The following RNF24 variants were observed in gnomAD, a reference collection of about 807,000 sequenced individuals.
RNF24 encodes ring finger protein 24.
Under a neutral mutation model 20.0 loss-of-function variants are expected in RNF24, and 14 were observed. The observed-to-expected ratio is 0.70, with a 90% confidence interval of 0.46 to 1.10. RNF24 has a LOEUF of 1.10. RNF24 is among the 50% of genes least tolerant of loss of function. The pLI, the probability that RNF24 is intolerant of heterozygous loss-of-function variation, is 0.00. For synonymous variants in RNF24, 45 were observed against 61.1 expected (o/e 0.74, Z 1.23); for missense variants, 124 against 177.6 (o/e 0.70, Z 1.71).
chr20:3,990,225 T>G (rs1980314607), intron 1 of RNF24, among the ~76,000 whole-genome samples: 1 of 152,142 alleles, frequency 6.6e-6, no homozygotes, highest in African/African-American at 2.4e-5. Flanking sequence ...GGAAGGCCTT[T>G]CTAAGTAAAA....
chr20:3,996,881 C>T (rs1980909902), intron 1 of RNF24, among the ~76,000 whole-genome samples: 1 of 152,088 alleles, frequency 6.6e-6, no homozygotes. Context: ...GTCCCTGATG[C>T]CATGAAGCTC....
In RNF24 at chr20:3,977,875, A is replaced by AAAAAAAGG. The variant is rs1979017990; in HGVS notation, c.-7-13859_-7-13852dup. 4.0e-5 allele frequency among the ~76,000 whole-genome samples: 6 copies of AAAAAAAGG among 151,802 alleles called. 2 individuals carry two copies. In the South Asian group the frequency reaches 1.3e-3, roughly 32 times the overall value. ...CGAGACTCCGTCTCAAAAAAAAAAAAAAAAAAGGGCTCTAGCTTCCACGAT... is the reference window on the plus strand; with the variant it reads ...CGAGACTCCGTCTCAAAAAAAAAAAAAAAAAAGGAAAAAAGGGCTCTAGCTTCCACGAT... On this transcript the variant is annotated intron_variant, in intron 1 of 5. Coordinates refer to ENST00000358395, the MANE Select transcript of RNF24 (RefSeq NM_001134337.3).
intron 1 of RNF24, among the ~76,000 whole-genome samples, chr20:3,993,038 C>CT (rs1980579977): frequency 6.6e-6 from 1 of 152,102 alleles, no homozygotes; most frequent in East Asian, 1.9e-4. Flanking sequence ...AAGAGTTAGC[C>CT]TGATGTATAA....
At chr20:3,980,313 C>T (rs556212331) in intron 1 of RNF24, among the ~76,000 whole-genome samples, 6 of 152,228 alleles carry the variant, frequency 3.9e-5, no homozygotes, top group African/African-American at 1.4e-4. Flanking sequence ...TGTTCACAGA[C>T]CCCCACTGGA....
intron 1 of RNF24, among the ~76,000 whole-genome samples, chr20:3,976,173 GT>G (rs1364835037): frequency 1.3e-5 from 2 of 152,270 alleles, no homozygotes; most frequent in Non-Finnish European, 2.9e-5. Flanking sequence ...TTTATGGCAC[GT>G]TGTTAAGGCA....
rs35857615 is a variant in RNF24 at position 3,940,416 on chromosome 20, G to GAAA, written c.228+4758_228+4760dup. 1.1e-3 allele frequency among the ~76,000 whole-genome samples: 154 copies of GAAA among 142,804 alleles called. 3 individuals carry two copies. In the East Asian group the frequency reaches 0.012, roughly 11 times the overall value. The allele number at this position is 142,804 out of a possible 152,430, so 93.7% of individuals were successfully genotyped here. A position where few individuals can be genotyped will look rare whatever the true frequency, so the allele number is the denominator to read the frequency against. Reference sequence around the variant, plus strand: ...TCTGAACAACAGAGAAAAAATTACTGAAAAAAAAAAAAACTCTCCAGGACT... The same window carrying GAAA: ...TCTGAACAACAGAGAAAAAATTACTGAAAAAAAAAAAAAAAACTCTCCAGGACT... On this transcript the variant is annotated intron_variant, in intron 4 of 5. Transcript: ENST00000358395.
Position 3,963,886 on chromosome 20 carries a change from G to C in RNF24, c.132C>G (p.Cys44Trp). 3 of 1,577,776 alleles carry C rather than the reference G, an allele frequency of 1.9e-6. No homozygotes were observed. The highest frequency in any genetic ancestry group is 2.6e-6 in the Non-Finnish European group (3 of 1,160,910). ...FVFILSLLFC[C>W]YLIRLRHQAH... Reference sequence around the variant, plus strand: ...TGAAAATTGGTTACCTAATCAAGTAGCAACAGAAGAGTAAACTAAGGATGA... The same window carrying C: ...TGAAAATTGGTTACCTAATCAAGTACCAACAGAAGAGTAAACTAAGGATGA... Residue 44 changes from cysteine (C) to tryptophan (W), a missense_variant, in exon 2 of 6, where the codon TGC (cysteine) becomes TGG (tryptophan). Cys to Trp is a radical substitution (Grantham distance 215). Transcript: ENST00000358395.
At chr20:3,988,852 T>A (rs750035534) in intron 1 of RNF24, among the ~76,000 whole-genome samples, 1 of 152,030 alleles carries the variant, frequency 6.6e-6, no homozygotes, top group Non-Finnish European at 1.5e-5. Context: ...ACCAACCTGA[T>A]TGTAAAGAAG....
intron 1 of RNF24, among the ~76,000 whole-genome samples, chr20:3,981,867 C>A (rs1400693802): frequency 2.0e-5 from 3 of 152,050 alleles, no homozygotes; most frequent in African/African-American, 7.3e-5. Flanking sequence ...GCCTGTAATC[C>A]CAGCACTTGG....
intron 1 of RNF24, among the ~76,000 whole-genome samples, chr20:3,995,913 C>T (rs567298086): frequency 2.6e-5 from 4 of 152,058 alleles, no homozygotes; most frequent in African/African-American, 7.2e-5. Context: ...TCAAGACTTG[C>T]AATTTCATTA....
intron 1 of RNF24, among the ~76,000 whole-genome samples, chr20:3,994,304 A>C (rs764445870): frequency 6.6e-6 from 1 of 152,214 alleles, no homozygotes; most frequent in Non-Finnish European, 1.5e-5. Flanking sequence ...TGGCTGTGAC[A>C]ATCTGAATGT....
intron 1 of RNF24, among the ~76,000 whole-genome samples, chr20:4,010,908 G>C (rs1355170133): frequency 1.3e-5 from 2 of 152,186 alleles, no homozygotes; most frequent in African/African-American, 2.4e-5. Flanking sequence ...GAGAATTCCT[G>C]TCTGCACAGG....
chr20:3,958,797 A>G (rs1019560876), intron 2 of RNF24, among the ~76,000 whole-genome samples: 11 of 152,112 alleles, frequency 7.2e-5, no homozygotes, highest in Non-Finnish European at 1.3e-4. Flanking sequence ...ATGTGACACC[A>G]CGCCTGGTTA....
chr20:3,946,513 A>G (rs1427889372), intron 3 of RNF24, among the ~76,000 whole-genome samples: 2 of 151,688 alleles, frequency 1.3e-5, no homozygotes, highest in Admixed American at 6.6e-5. Flanking sequence ...ACATGGGGAG[A>G]CCCCATCTCT....
At chr20:3,975,517 C>A (rs747152716) in intron 1 of RNF24, among the ~76,000 whole-genome samples, 1 of 151,940 alleles carries the variant, frequency 6.6e-6, no homozygotes, top group Non-Finnish European at 1.5e-5. Flanking sequence ...TGATAAAGGG[C>A]TAATATCTAA....
intron 4 of RNF24, among the ~76,000 whole-genome samples, chr20:3,938,591 A>G (rs1470660585): frequency 1.3e-5 from 2 of 152,126 alleles, no homozygotes; most frequent in Non-Finnish European, 2.9e-5. Flanking sequence ...ATATTTGCAG[A>G]CCTTTTTATT....
intron 2 of RNF24, among the ~76,000 whole-genome samples, chr20:3,961,828 G>GA (rs573515797): frequency 2.2e-4 from 32 of 148,530 alleles, no homozygotes; most frequent in Admixed American, 4.0e-4. Context: ...TAGTAAGTCT[G>GA]AAAAAAAAAC....
At chr20:3,976,648 G>A (rs1024699910) in intron 1 of RNF24, among the ~76,000 whole-genome samples, 1 of 152,178 alleles carries the variant, frequency 6.6e-6, no homozygotes, top group Non-Finnish European at 1.5e-5. Context: ...ATGGGTGAAC[G>A]ATTAAACAAA....
intron 1 of RNF24, among the ~76,000 whole-genome samples, chr20:4,010,948 C>A (rs937112117): frequency 1.3e-5 from 2 of 152,156 alleles, no homozygotes; most frequent in Non-Finnish European, 2.9e-5. Context: ...GACCCCACTG[C>A]TTGATGGAGG....
Sources: allele counts gnomAD v4.1 joint callset (sites outside exome capture counted in the v4.1 genomes callset), GRCh38; gene constraint gnomAD v4.1.1; transcripts MANE v1.5; gene names NCBI Gene and HGNC (gene_info 2026-07-23, HGNC 2026-07-21).